The following PLXDC2 variants were observed in gnomAD, a reference collection of about 807,000 sequenced individuals.
PLXDC2 encodes plexin domain containing 2, also known as plexin domain-containing protein 2.
Under a neutral mutation model 68.9 loss-of-function variants are expected in PLXDC2, and 40 were observed. That is an observed-to-expected ratio of 0.58 (90% CI 0.45 to 0.76). PLXDC2 has a LOEUF of 0.76. PLXDC2 is among the 30% of genes least tolerant of loss of function. The probability of loss-of-function intolerance (pLI) is 0.00; values close to 1 mark genes in which losing one functional copy is unlikely to be tolerated. For missense variants in PLXDC2, 644 were observed against 661.9 expected, an observed-to-expected ratio of 0.97 and a Z score of 0.30; for synonymous variants, 243 against 234.2, an observed-to-expected ratio of 1.04 and a Z score of -0.34.
At chr10:19,881,408 G>A (rs1403690491) in intron 1 of PLXDC2, among the ~76,000 whole-genome samples, 2 of 151,976 alleles carry the variant, frequency 1.3e-5, no homozygotes, top group African/African-American at 4.8e-5. Context: ...GAGCCACTGC[G>A]CCTGGCCGCC....
At chr10:20,104,695 A>G (rs7067947) in intron 4 of PLXDC2, among the ~76,000 whole-genome samples, 55,989 of 151,720 alleles carry the variant, frequency 0.37, 13,873 homozygotes, top group African/African-American at 0.71. Flanking sequence ...AAATGGGGGG[A>G]GAAAACACAT....
intron 3 of PLXDC2, among the ~76,000 whole-genome samples, chr10:20,050,933 G>T (rs188883329): frequency 1.8e-4 from 27 of 152,104 alleles, no homozygotes; most frequent in African/African-American, 5.5e-4. Flanking sequence ...ATACACACAT[G>T]TGAATGTTTA....
At chr10:20,036,688 C>G (rs1835584185) in intron 2 of PLXDC2, among the ~76,000 whole-genome samples, 1 of 152,024 alleles carries the variant, frequency 6.6e-6, no homozygotes, top group Non-Finnish European at 1.5e-5. Flanking sequence ...ATCAGTGGCT[C>G]TGAAAAATGA....
chr10:19,968,238 G>T lies in PLXDC2; in HGVS notation c.113-33537G>T, dbSNP rs190460401. On this transcript the variant is annotated intron_variant, in intron 1 of 13. Transcript: ENST00000377252. ...GTTCAAATGGAAAGTGAAGTCAATT[G>T]TTCAGGTTTATGGTGGAAGGAATTC... Among the ~76,000 whole-genome samples, 118 of 152,320 alleles carry T rather than the reference G, an allele frequency of 7.7e-4. 1 individual carries two copies. The highest frequency in any genetic ancestry group is 2.8e-3 in the African/African-American group (116 of 41,568).
intron 9 of PLXDC2, among the ~76,000 whole-genome samples, chr10:20,189,554 C>CAT (rs897647607): frequency 1.5e-5 from 2 of 130,870 alleles, no homozygotes; most frequent in Admixed American, 8.5e-5. Flanking sequence ...CACACACACA[C>CAT]ACATATATAT....
intron 13 of PLXDC2, among the ~76,000 whole-genome samples, chr10:20,263,969 T>TAC (rs1283796090): frequency 6.6e-6 from 1 of 152,012 alleles, no homozygotes; most frequent in African/African-American, 2.4e-5. Flanking sequence ...TATATATATA[T>TAC]ACCAAGAGGA....
intron 1 of PLXDC2, among the ~76,000 whole-genome samples, chr10:19,877,372 C>T (rs1040914241): frequency 1.3e-5 from 2 of 152,130 alleles, no homozygotes; most frequent in African/African-American, 4.8e-5. Flanking sequence ...TTGTTCTTCG[C>T]CCCCATAACT....
intron 1 of PLXDC2, among the ~76,000 whole-genome samples, chr10:19,830,985 G>T (rs987185824): frequency 7.8e-6 from 1 of 128,836 alleles, no homozygotes. Context: ...TAGGAACCAG[G>T]TTTGTTTCCT....
At chr10:20,125,340 T>C (rs2244121) in intron 4 of PLXDC2, among the ~76,000 whole-genome samples, 6,623 of 152,326 alleles carry the variant, frequency 0.043, 200 homozygotes, top group Non-Finnish European at 0.067. Flanking sequence ...CCTATGAGCC[T>C]GGTCCTAGCC....
chr10:20,245,948 C>T (rs965955396), intron 13 of PLXDC2, among the ~76,000 whole-genome samples: 2 of 152,132 alleles, frequency 1.3e-5, no homozygotes, highest in African/African-American at 4.8e-5. Context: ...TCAAAATGCT[C>T]ACAAACCGTT....
At chr10:20,082,265 A>C (rs1358325685) in intron 4 of PLXDC2, among the ~76,000 whole-genome samples, 2 of 151,794 alleles carry the variant, frequency 1.3e-5, no homozygotes, top group African/African-American at 4.8e-5. Flanking sequence ...AATTCAGCTA[A>C]TAATTATATA....
intron 1 of PLXDC2, among the ~76,000 whole-genome samples, chr10:19,895,825 C>G (rs1378195714): frequency 6.6e-6 from 1 of 152,066 alleles, no homozygotes; most frequent in Non-Finnish European, 1.5e-5. Flanking sequence ...GAGGCTGAGG[C>G]TGGTGGATTG....
rs1377261546 is a variant in PLXDC2 at position 20,143,343 on chromosome 10, A to G, written c.590A>G (p.Gln197Arg). 3.1e-6 allele frequency: 5 copies of G among 1,613,134 alleles called. No homozygotes were observed. The highest frequency in any genetic ancestry group is 8.5e-7 in the Non-Finnish European group (1 of 1,179,344). The change falls in exon 5 of 14, where the codon CAG becomes CGG. Residue 197 changes from glutamine (Q) to arginine (R), a missense_variant. Gln to Arg is a conservative substitution (Grantham distance 43). Around this residue, in one of 3 missense-constraint regions of PLXDC2, gnomAD observed 113 missense variants for 167.1 expected, o/e 0.68. Coordinates refer to ENST00000377252, the MANE Select transcript of PLXDC2 (RefSeq NM_032812.9). ...EVVHRMLTAT[Q>R]YIAPLMANFD... Reference sequence around the variant, plus strand: ...GTACATCGAATGCTAACAGCCACACAGTACATAGCACCTTTAATGGCAAAT... The same window carrying G: ...GTACATCGAATGCTAACAGCCACACGGTACATAGCACCTTTAATGGCAAAT...
chr10:20,034,233 T>C (rs78615411), intron 2 of PLXDC2, among the ~76,000 whole-genome samples: 8,534 of 152,262 alleles, frequency 0.056, 354 homozygotes, highest in African/African-American at 0.12. Context: ...TACATATATA[T>C]GATTTCATTT....
rs532591484 is a variant in PLXDC2 at position 19,910,436 on chromosome 10, G to A, written c.113-91339G>A. On this transcript the variant is annotated intron_variant, in intron 1 of 13. Coordinates refer to ENST00000377252, the MANE Select transcript of PLXDC2 (RefSeq NM_032812.9). Reference sequence around the variant, plus strand: ...TACTACTATTATAATCACTATCCGGGCGGGGAAAATGAGTCACTGAGAGAC... The same window carrying A: ...TACTACTATTATAATCACTATCCGGACGGGGAAAATGAGTCACTGAGAGAC... 4.0e-5 allele frequency among the ~76,000 whole-genome samples: 6 copies of A among 151,792 alleles called. No homozygotes were observed. The South Asian group carries it at 1.2e-3, about 32-fold the overall frequency.
At chr10:20,234,807 G>A (rs1024989519) in intron 12 of PLXDC2, among the ~76,000 whole-genome samples, 2 of 152,052 alleles carry the variant, frequency 1.3e-5, no homozygotes, top group South Asian at 4.2e-4. Context: ...AGATTGTATG[G>A]TTGTTGAGAA....
At chr10:19,869,893 G>A (rs1394407103) in intron 1 of PLXDC2, among the ~76,000 whole-genome samples, 2 of 151,998 alleles carry the variant, frequency 1.3e-5, no homozygotes, top group Admixed American at 1.3e-4. Context: ...CATTATGGAG[G>A]AATATGCAAT....
intron 12 of PLXDC2, among the ~76,000 whole-genome samples, chr10:20,239,542 C>T (rs1174544379): frequency 6.6e-6 from 1 of 152,148 alleles, no homozygotes. Context: ...ACCATCAGAT[C>T]TCATGGGGAC....
chr10:20,258,880 C>T (rs780593944), intron 13 of PLXDC2, among the ~76,000 whole-genome samples: 4 of 151,878 alleles, frequency 2.6e-5, no homozygotes, highest in East Asian at 1.9e-4. Flanking sequence ...TGGTGGCAGG[C>T]GCTTGTAGTC....
Sources: gnomAD v4.1 joint callset for allele counts (sites outside exome capture counted in the v4.1 genomes callset) on GRCh38, gnomAD v4.1.1 for gene constraint, gnomAD v4.1.1 regional missense constraint, MANE v1.5 for transcripts, NCBI Gene and HGNC (gene_info 2026-07-23, HGNC 2026-07-21) for gene names.